The following CCDC91 variants were observed in gnomAD, a reference collection of about 807,000 sequenced individuals.
CCDC91 encodes coiled-coil domain-containing protein 91.
CCDC91 carries 48 observed loss-of-function variants against 63.2 expected under a neutral mutation model. The ratio of observed to expected loss-of-function variants is 0.76; its 90% CI spans 0.60 to 0.97. The LOEUF is 0.97. Ranked by LOEUF, CCDC91 falls within the 50% of genes least tolerant of loss-of-function variation. The pLI is 0.00. For missense variants in CCDC91, 500 were observed against 494.6 expected (o/e 1.01, Z -0.10); for synonymous variants, 167 against 165.8 (o/e 1.01, Z -0.06).
At chr12:28,430,742 T>A (rs1423535734) in intron 8 of CCDC91, among the ~76,000 whole-genome samples, 1 of 152,162 alleles carries the variant, frequency 6.6e-6, no homozygotes, top group East Asian at 1.9e-4. Context: ...CTAGACATCT[T>A]TATGTCATAC....
At chr12:28,541,668 C>G (rs1435089667) in intron 12 of CCDC91, among the ~76,000 whole-genome samples, 1 of 151,268 alleles carries the variant, frequency 6.6e-6, no homozygotes, top group African/African-American at 2.4e-5. Context: ...AAAGACTATC[C>G]AACAGATTGT....
At chr12:28,355,820 T>C (rs1302433179) in intron 6 of CCDC91, among the ~76,000 whole-genome samples, 1 of 152,118 alleles carries the variant, frequency 6.6e-6, no homozygotes, top group Non-Finnish European at 1.5e-5. Context: ...CTGCATGCCA[T>C]GAAATTCATG....
chr12:28,416,061 G>A (rs1565938484), intron 8 of CCDC91, among the ~76,000 whole-genome samples: 1 of 151,596 alleles, frequency 6.6e-6, no homozygotes, highest in Non-Finnish European at 1.5e-5. Context: ...ATATTTAGAT[G>A]AGGAGTCAGC....
intron 12 of CCDC91, among the ~76,000 whole-genome samples, chr12:28,487,614 T>G (rs1044870672): frequency 4.6e-5 from 7 of 151,644 alleles, no homozygotes; most frequent in African/African-American, 1.7e-4. Context: ...AGAGAACACA[T>G]TTCCAGAATA....
chr12:28,215,297 A>G (rs1943492364), intron 1 of CCDC91, among the ~76,000 whole-genome samples: 1 of 152,192 alleles, frequency 6.6e-6, no homozygotes, highest in African/African-American at 2.4e-5. Context: ...ATCTTTGGAC[A>G]TCCTGGCTTC....
chr12:28,314,543 G>A (rs1939644888), intron 6 of CCDC91, among the ~76,000 whole-genome samples: 1 of 151,956 alleles, frequency 6.6e-6, no homozygotes, highest in African/African-American at 2.4e-5. Context: ...CCAAAATATA[G>A]TTTGCGGTCT....
chr12:28,210,679 C>A (rs1943173214), intron 1 of CCDC91, among the ~76,000 whole-genome samples: 1 of 152,078 alleles, frequency 6.6e-6, no homozygotes, highest in South Asian at 2.1e-4. Context: ...TTTTTTATTA[C>A]CTGACTTTAG....
intron 7 of CCDC91, among the ~76,000 whole-genome samples, chr12:28,378,046 A>C (rs1448268126): frequency 6.6e-6 from 1 of 152,046 alleles, no homozygotes; most frequent in African/African-American, 2.4e-5. Context: ...GTATTGAATT[A>C]GGTACAATGA....
In CCDC91 at chr12:28,444,856, T is replaced by C. The variant is rs1229364902; in HGVS notation, c.763-5305T>C. ...TAAAAGTTTTTCTTAAAGATTTTTT[T>C]TTTTAAAAGCAGTTCCTTCTGCTCA... On this transcript the variant is annotated intron_variant, in intron 8 of 12. Coordinates refer to ENST00000536442, the MANE Select transcript of CCDC91 (RefSeq NM_018318.5). 3.3e-5 allele frequency among the ~76,000 whole-genome samples: 5 copies of C among 152,190 alleles called. 1 individual carries two copies. The East Asian group carries it at 9.6e-4, about 29-fold the overall frequency.
intron 8 of CCDC91, among the ~76,000 whole-genome samples, chr12:28,444,529 G>C (rs1949399421): frequency 1.3e-5 from 2 of 152,184 alleles, no homozygotes; most frequent in Non-Finnish European, 2.9e-5. Flanking sequence ...GTGTTTGTGG[G>C]AACATGGATG....
chr12:28,210,113 A>G (rs1943128133), intron 1 of CCDC91, among the ~76,000 whole-genome samples: 1 of 152,228 alleles, frequency 6.6e-6, no homozygotes, highest in Non-Finnish European at 1.5e-5. Flanking sequence ...TTTCTTATAT[A>G]AAATCTCTTT....
intron 1 of CCDC91, among the ~76,000 whole-genome samples, chr12:28,231,305 T>A (rs915491653): frequency 6.6e-6 from 1 of 152,200 alleles, no homozygotes; most frequent in African/African-American, 2.4e-5. Context: ...GTTCCAAACT[T>A]CTGGGGCCAA....
chr12:28,455,954 A>G (rs1950039220), intron 11 of CCDC91, among the ~76,000 whole-genome samples: 1 of 152,122 alleles, frequency 6.6e-6, no homozygotes, highest in Non-Finnish European at 1.5e-5. Context: ...AGGAGTCAAC[A>G]GTCAGTATTC....
intron 7 of CCDC91, among the ~76,000 whole-genome samples, chr12:28,376,004 A>G (rs1168717473): frequency 5.3e-5 from 8 of 151,914 alleles, no homozygotes; most frequent in Non-Finnish European, 1.0e-4. Context: ...TCTACAGTGC[A>G]TAGTAAATTA....
chr12:28,214,482 C>A (rs560102352), intron 1 of CCDC91, among the ~76,000 whole-genome samples: 1 of 152,110 alleles, frequency 6.6e-6, no homozygotes, highest in African/African-American at 2.4e-5. Context: ...AAAGCAAATA[C>A]AAAATAGGCA....
Position 28,317,125 on chromosome 12 carries a change from C to T in CCDC91, c.576+9376C>T, listed in dbSNP as rs551710307. Reference sequence around the variant, plus strand: ...TTTTACCTTTTTTCCTGCACAGATTCGGATGCCATACACGTTTTGGGACTA... The same window carrying T: ...TTTTACCTTTTTTCCTGCACAGATTTGGATGCCATACACGTTTTGGGACTA... On this transcript the variant is annotated intron_variant, in intron 6 of 12. Transcript: ENST00000536442. Among the ~76,000 whole-genome samples the T allele has an allele frequency of 3.3e-5, 5 of 152,034 alleles. No individual in the cohort carries two copies. The East Asian group carries it at 5.8e-4, about 18-fold the overall frequency.
At chr12:28,473,720 C>T (rs1302072594) in intron 11 of CCDC91, among the ~76,000 whole-genome samples, 1 of 152,046 alleles carries the variant, frequency 6.6e-6, no homozygotes, top group Admixed American at 6.6e-5. Flanking sequence ...GCCAAGAAAA[C>T]TACTCAAAAA....
chr12:28,246,922 G>A (rs571131246), intron 1 of CCDC91, among the ~76,000 whole-genome samples: 1 of 152,300 alleles, frequency 6.6e-6, no homozygotes, highest in African/African-American at 2.4e-5. Context: ...AGAGAAAGTA[G>A]TTTGTGAAGA....
intron 6 of CCDC91, among the ~76,000 whole-genome samples, chr12:28,327,407 A>G (rs967232318): frequency 8.5e-5 from 13 of 152,098 alleles, no homozygotes; most frequent in African/African-American, 2.9e-4. Flanking sequence ...TAAGGAGCAG[A>G]CAACATGGTG....
Sources: gnomAD v4.1 joint callset for allele counts (sites outside exome capture counted in the v4.1 genomes callset) on GRCh38, gnomAD v4.1.1 for gene constraint, MANE v1.5 for transcripts, NCBI Gene and HGNC (gene_info 2026-07-23, HGNC 2026-07-21) for gene names.